The following NOS1 variants were observed in gnomAD, a reference collection of about 807,000 sequenced individuals.
The protein encoded by NOS1 is nitric oxide synthase 1.
Under a neutral mutation model 164.5 loss-of-function variants are expected in NOS1, and 51 were observed. The ratio of observed to expected loss-of-function variants is 0.31; its 90% CI spans 0.25 to 0.39. The LOEUF is 0.39. Among genes scored for constraint, NOS1 ranks in the 10% least tolerant of loss-of-function variants. The pLI is 1.00. For missense variants in NOS1, 1,362 were observed against 1,885.6 expected, an observed-to-expected ratio of 0.72 and a Z score of 5.14; for synonymous variants, 719 against 745.8, an observed-to-expected ratio of 0.96 and a Z score of 0.59.
Position 117,220,145 on chromosome 12 carries a change from A to G in NOS1, c.4100T>C (p.Ile1367Thr). ...CCCCTGCTGGGTCATGATGCGCTGG[A>G]TGGCTTTGAGGACATCAGCAGCCAT... ...VTMAADVLKA[I>T]QRIMTQQGKL... The change falls in exon 27 of 29, where the codon ATC (isoleucine) becomes ACC (threonine). Residue 1367 changes from isoleucine to threonine, a missense_variant. Transcript: ENST00000317775. 1 of 1,613,888 alleles carries G rather than the reference A, an allele frequency of 6.2e-7. No homozygotes were observed. The highest frequency in any genetic ancestry group is 8.5e-7 in the Non-Finnish European group (1 of 1,179,950).
At chr12:117,304,141 C>A (rs556377310) in intron 3 of NOS1, among the ~76,000 whole-genome samples, 3 of 152,130 alleles carry the variant, frequency 2.0e-5, no homozygotes, top group Admixed American at 6.5e-5. Flanking sequence ...CACTGCACTC[C>A]AGCCTGGGCG....
intron 4 of NOS1, among the ~76,000 whole-genome samples, chr12:117,289,756 T>C (rs1031171932): frequency 3.9e-5 from 6 of 152,338 alleles, no homozygotes; most frequent in African/African-American, 9.6e-5. Flanking sequence ...TTTGTCTTGC[T>C]TATCTGGGAG....
At chr12:117,265,071 C>A (rs1308748440) in intron 12 of NOS1, among the ~76,000 whole-genome samples, 2 of 152,050 alleles carry the variant, frequency 1.3e-5, no homozygotes, top group African/African-American at 4.8e-5. Context: ...GTCTCAAACT[C>A]CTGGCCTCAA....
intron 17 of NOS1, among the ~76,000 whole-genome samples, chr12:117,252,970 G>T (rs970112458): frequency 4.6e-5 from 7 of 152,076 alleles, no homozygotes; most frequent in Non-Finnish European, 8.8e-5. Context: ...TTCCTTCCAA[G>T]AACCCATTAA....
rs1284765383 is a variant in NOS1, at chr12:117,210,024, G to C, written c.*5285C>G. ...GTCTTGCTCTGTCACTCAGGCTGGAGTGCAGTGGTGCGATCCTAGCTCACT... is the reference window on the plus strand; with the variant it reads ...GTCTTGCTCTGTCACTCAGGCTGGACTGCAGTGGTGCGATCCTAGCTCACT... On this transcript the variant is annotated 3_prime_UTR_variant, in exon 29 of 29. Transcript: ENST00000317775. 1 of 960,796 alleles carries C rather than the reference G, an allele frequency of 1.0e-6. No homozygotes were observed. The highest frequency in any genetic ancestry group is 1.2e-6 in the Non-Finnish European group (1 of 807,602). The allele number at this position is 960,796 out of a possible 1,614,324, so 59.5% of individuals were successfully genotyped here.
At position 117,253,723 on chromosome 12, in the gene NOS1, A is replaced by AG; in HGVS notation, c.2562dup (p.Ser855LeufsTer4). 3 of 1,614,008 alleles carry AG rather than the reference A, an allele frequency of 1.9e-6. No homozygotes were observed. The highest frequency in any genetic ancestry group is 2.5e-6 in the Non-Finnish European group (3 of 1,179,970). On this transcript the variant is annotated frameshift_variant, in exon 17 of 29. Coordinates refer to ENST00000317775, the MANE Select transcript of NOS1 (RefSeq NM_000620.5). LOFTEE classifies it high-confidence loss of function. ...GATGATTTTTGGGAGTCAGAGTAGG[A>AG]GGAGACGCTGTTGAATCGGACCTTG...
chr12:117,256,339 C>A (rs1055646389), intron 16 of NOS1, among the ~76,000 whole-genome samples: 3 of 136,096 alleles, frequency 2.2e-5, no homozygotes, highest in African/African-American at 8.8e-5. Flanking sequence ...AGTGCAGTAG[C>A]GCAATCTCGG....
At position 117,209,316 on chromosome 12, in the gene NOS1, G is replaced by A. The variant is rs1444430545; in HGVS notation, c.*5993C>T. On this transcript the variant is annotated 3_prime_UTR_variant, in exon 29 of 29. Coordinates refer to ENST00000317775, the MANE Select transcript of NOS1 (RefSeq NM_000620.5). ...CAGGTATCTTGTGGATGGAGGCCAGGAATGCTGCTCAGCTTCCTACAGTAC... is the reference window on the plus strand; with the variant it reads ...CAGGTATCTTGTGGATGGAGGCCAGAAATGCTGCTCAGCTTCCTACAGTAC... 1.0e-6 allele frequency: 1 copy of A among 958,300 alleles called. No homozygotes were observed. The highest frequency in any genetic ancestry group is 1.2e-6 in the Non-Finnish European group (1 of 805,366). The allele number at this position is 958,300 out of a possible 1,614,324, so 59.4% of individuals were successfully genotyped here. A position where few individuals can be genotyped will look rare whatever the true frequency, so the allele number is the denominator to read the frequency against.
chr12:117,320,573 A>G (rs547230423), intron 2 of NOS1, among the ~76,000 whole-genome samples: 39 of 152,288 alleles, frequency 2.6e-4, no homozygotes, highest in African/African-American at 9.4e-4. Flanking sequence ...AAGGGAATAA[A>G]GGTGTATTGC....
rs1455545079 is a variant in NOS1, at chr12:117,321,999, TCTCTCCTTCCTTCCCTCCC to T, written c.725+8327_725+8345del. Among the ~76,000 whole-genome samples, 22 of 48,786 alleles carry T rather than the reference TCTCTCCTTCCTTCCCTCCC, an allele frequency of 4.5e-4. 1 individual carries two copies. The highest frequency in any genetic ancestry group is 1.8e-3 in the African/African-American group (22 of 11,986). 32.0% of individuals were successfully genotyped at this position (48,786 alleles called of 152,430 possible). ...CTCCTTCTCTCCTTCCTTCCCTCCC[TCTCTCCTTCCTTCCCTCCC>T]TCTCTCCTTCCTTTCCTCCTTCTCT... On this transcript the variant is annotated intron_variant, in intron 2 of 28. Coordinates refer to ENST00000317775, the MANE Select transcript of NOS1 (RefSeq NM_000620.5).
At chr12:117,284,892 A>T (rs1395771407) in intron 7 of NOS1, among the ~76,000 whole-genome samples, 1 of 151,852 alleles carries the variant, frequency 6.6e-6, no homozygotes, top group East Asian at 1.9e-4. Flanking sequence ...TCTACTAAAA[A>T]TAAAAAAAAT....
In NOS1 at chr12:117,215,408, A is replaced by G. The variant is rs1384028826; in HGVS notation, c.4290-84T>C. 4 of 1,384,544 alleles carry G rather than the reference A, an allele frequency of 2.9e-6. No individual in the cohort carries two copies. In the East Asian group the frequency reaches 7.9e-5, roughly 27 times the overall value. The allele number at this position is 1,384,544 out of a possible 1,614,324, so 85.8% of individuals were successfully genotyped here. ...CTGAGTGCCCCAGAGAAAATCACCC[A>G]TGCTCTGGGCTCAGGGGCTTTGTCT... On this transcript the variant is annotated intron_variant, in intron 28 of 28. Transcript: ENST00000317775.
chr12:117,231,727 T>A (rs1316066824), intron 22 of NOS1, among the ~76,000 whole-genome samples: 3 of 152,206 alleles, frequency 2.0e-5, no homozygotes, highest in Non-Finnish European at 4.4e-5. Flanking sequence ...AATAGCAATT[T>A]CTGTTGTAGC....
intron 1 of NOS1, among the ~76,000 whole-genome samples, chr12:117,350,953 A>G (rs1876585950): frequency 6.6e-6 from 1 of 152,106 alleles, no homozygotes; most frequent in Non-Finnish European, 1.5e-5. Context: ...CTCTACTAAA[A>G]ATACAAAAAA....
intron 3 of NOS1, among the ~76,000 whole-genome samples, chr12:117,302,934 C>T (rs536325262): frequency 6.6e-6 from 1 of 152,150 alleles, no homozygotes; most frequent in South Asian, 2.1e-4. Flanking sequence ...TTAGTAGAGA[C>T]AGGGTTTCAC....
In NOS1 at chr12:117,214,833, TCAC is replaced by T; in HGVS notation, c.*473_*475del. On this transcript the variant is annotated 3_prime_UTR_variant, in exon 29 of 29. Coordinates refer to ENST00000317775, the MANE Select transcript of NOS1 (RefSeq NM_000620.5). ...AGAGGACGGACAGAGACCTGGCCCA[TCAC>T]ACACACACACACACACACACACACA... 1 of 965,092 alleles carries T rather than the reference TCAC, an allele frequency of 1.0e-6. No homozygotes were observed. Among genetic ancestry groups the T allele is most frequent in the Non-Finnish European group, 1.2e-6 (1 of 818,830 alleles). The allele number at this position is 965,092 out of a possible 1,614,324, so 59.8% of individuals were successfully genotyped here.
chr12:117,234,000 C>T (rs1869490197), intron 21 of NOS1, among the ~76,000 whole-genome samples: 2 of 152,102 alleles, frequency 1.3e-5, no homozygotes, highest in African/African-American at 4.8e-5. Context: ...TACCTGACTC[C>T]TGAGCCCACC....
Position 117,267,773 on chromosome 12 carries a change from C to G in NOS1, c.1941+270G>C, listed in dbSNP as rs565510518. The stretch of plus-strand genomic sequence containing the variant: ...AGATGACAAGACAGAGAGGATGCCT[C>G]TTGTTTGAATTCTAAAGAACTCTAA... On this transcript the variant is annotated intron_variant, in intron 11 of 28. Coordinates refer to ENST00000317775, the MANE Select transcript of NOS1 (RefSeq NM_000620.5). Among the ~76,000 whole-genome samples the G allele has an allele frequency of 9.2e-5, 14 of 152,224 alleles. No individual in the cohort carries two copies. The South Asian group carries it at 2.3e-3, about 25-fold the overall frequency.
chr12:117,250,087 T>C (rs575928115), intron 17 of NOS1, among the ~76,000 whole-genome samples: 1 of 152,114 alleles, frequency 6.6e-6, no homozygotes, highest in Admixed American at 6.6e-5. Context: ...CAGATTGAGA[T>C]GGGAAGGAAG....
Sources: gnomAD v4.1 joint callset for allele counts (sites outside exome capture counted in the v4.1 genomes callset) on GRCh38, gnomAD v4.1.1 for gene constraint, MANE v1.5 for transcripts, NCBI Gene and HGNC (gene_info 2026-07-23, HGNC 2026-07-21) for gene names.